DCDC1: variants seen among roughly 807,000 people sequenced by gnomAD.
DCDC1 encodes the protein doublecortin domain containing 1.
DCDC1 carries 200 observed loss-of-function variants against 178.3 expected under a neutral mutation model. That is an observed-to-expected ratio of 1.12 (90% CI 1.00 to 1.26). The LOEUF is 1.26. Ranked by LOEUF, DCDC1 falls within the 50% of genes most tolerant of loss-of-function variation. DCDC1 has a pLI of 0.00. For synonymous variants in DCDC1, 690 were observed against 604.8 expected (o/e 1.14, Z -2.07); for missense variants, 1,983 against 1,749.2 (o/e 1.13, Z -2.38).
intron 10 of DCDC1, among the ~76,000 whole-genome samples, chr11:31,129,645 T>A (rs966269102): frequency 6.6e-6 from 1 of 152,118 alleles, no homozygotes; most frequent in Non-Finnish European, 1.5e-5. Context: ...AATATGTATA[T>A]GTCATATCCA....
chr11:30,987,130 C>T (rs1386820926), intron 20 of DCDC1, among the ~76,000 whole-genome samples: 1 of 152,104 alleles, frequency 6.6e-6, no homozygotes, highest in Non-Finnish European at 1.5e-5. Context: ...GATTCTCCTG[C>T]CTCAGCCTCC....
At chr11:31,040,622 C>T (rs1954380273) in intron 20 of DCDC1, among the ~76,000 whole-genome samples, 1 of 152,090 alleles carries the variant, frequency 6.6e-6, no homozygotes, top group Admixed American at 6.6e-5. Flanking sequence ...AAGGCGTTTG[C>T]ACCAATAAAT....
At chr11:31,095,224 T>G (rs987366811) in intron 15 of DCDC1, among the ~76,000 whole-genome samples, 2 of 152,212 alleles carry the variant, frequency 1.3e-5, no homozygotes, top group Non-Finnish European at 2.9e-5. Flanking sequence ...TCTTTGCTAT[T>G]GTGAACAGTG....
chr11:31,089,626 T>TG (rs397828154), intron 17 of DCDC1, among the ~76,000 whole-genome samples: 3 of 151,648 alleles, frequency 2.0e-5, no homozygotes, highest in African/African-American at 7.3e-5. Context: ...TTTTTTTTTT[T>TG]GAAGTATTTG....
chr11:31,043,279 C>T (rs1463046686), intron 20 of DCDC1, among the ~76,000 whole-genome samples: 3 of 152,124 alleles, frequency 2.0e-5, no homozygotes, highest in African/African-American at 7.2e-5. Flanking sequence ...AATTCAGAGA[C>T]CAGTAATTCA....
chr11:31,358,544 T>C (rs1307216280), intron 1 of DCDC1, among the ~76,000 whole-genome samples: 1 of 151,746 alleles, frequency 6.6e-6, no homozygotes, highest in Non-Finnish European at 1.5e-5. Flanking sequence ...ACTTCATGTC[T>C]AAAACACCAA....
At chr11:31,030,612 T>C (rs116569086) in intron 20 of DCDC1, among the ~76,000 whole-genome samples, 185 of 152,278 alleles carry the variant, frequency 1.2e-3, no homozygotes, top group African/African-American at 4.2e-3. Context: ...CAAGACACTG[T>C]CAGGAATAGA....
chr11:31,252,258 C>CG (rs1421327917), intron 8 of DCDC1, among the ~76,000 whole-genome samples: 2 of 151,926 alleles, frequency 1.3e-5, no homozygotes, highest in Admixed American at 1.3e-4. Flanking sequence ...TTTAAATTCC[C>CG]GGGTGACAGA....
chr11:30,944,147 T>C (rs2134412035), intron 21 of DCDC1: 1 of 353,368 alleles, frequency 2.8e-6, no homozygotes, highest in Non-Finnish European at 5.5e-6. Context: ...GCTCAATGCA[T>C]AGCCTTGATT....
chr11:30,875,547 CAA>C (rs58301594), intron 38 of DCDC1, among the ~76,000 whole-genome samples: 115 of 147,828 alleles, frequency 7.8e-4, no homozygotes, highest in South Asian at 2.1e-3. Flanking sequence ...CCAAATGATG[CAA>C]AAAAAAAAAA....
chr11:31,000,655 A>G (rs1951519396), intron 20 of DCDC1, among the ~76,000 whole-genome samples: 1 of 152,054 alleles, frequency 6.6e-6, no homozygotes, highest in Admixed American at 6.6e-5. Context: ...TGCTACATTA[A>G]TGAAGCTTTG....
At chr11:31,217,999 T>A (rs778285375) in intron 9 of DCDC1, among the ~76,000 whole-genome samples, 1 of 152,124 alleles carries the variant, frequency 6.6e-6, no homozygotes, top group Non-Finnish European at 1.5e-5. Context: ...CAAAGAAATA[T>A]CAGCATTACA....
Position 30,899,619 on chromosome 11 carries a change from C to T in DCDC1, c.4687G>A (p.Glu1563Lys), listed in dbSNP as rs117396197. The change falls in exon 34 of 39, where the codon GAG becomes AAG. Residue 1563 changes from glutamate (E) to lysine (K), a missense_variant. Transcript: ENST00000684477. Reference protein sequence around the residue: ...PNALQKAEKLEKQNWLKKDRI... With the variant: ...PNALQKAEKLKKQNWLKKDRI... ...TCCTTTTTTAGCCAGTTCTGTTTCT[C>T]TAATTTTTCTGCTTTCTGCAAAGCT... is the stretch of plus-strand genomic sequence containing the variant. 16,743 of 1,567,600 alleles carry T rather than the reference C, an allele frequency of 0.011. 94 individuals are homozygous for T. Among genetic ancestry groups the T allele is most frequent in the Non-Finnish European group, 0.013 (14,506 of 1,156,316 alleles).
intron 20 of DCDC1, among the ~76,000 whole-genome samples, chr11:30,984,907 G>A (rs1485516708): frequency 1.3e-5 from 2 of 152,160 alleles, no homozygotes; most frequent in Non-Finnish European, 2.9e-5. Flanking sequence ...CACTAACTAA[G>A]GCAAGAAATA....
At chr11:31,186,839 A>G (rs1473642001) in intron 9 of DCDC1, among the ~76,000 whole-genome samples, 1 of 152,164 alleles carries the variant, frequency 6.6e-6, no homozygotes, top group Admixed American at 6.5e-5. Context: ...ATCCTTCAAG[A>G]CTAGCATCCA....
chr11:30,975,021 A>T (rs1950026955), intron 20 of DCDC1, among the ~76,000 whole-genome samples: 1 of 152,132 alleles, frequency 6.6e-6, no homozygotes, highest in African/African-American at 2.4e-5. Flanking sequence ...AAGATAACAC[A>T]CCACAATCAC....
rs904480096 is a variant in DCDC1 at position 31,107,952 on chromosome 11, C to CTTTCT, written c.1588-997_1588-993dup. On this transcript the variant is annotated intron_variant, in intron 12 of 38. Coordinates refer to ENST00000684477, the MANE Select transcript of DCDC1 (RefSeq NM_001387274.1). ...TCTGGCCTAACTGCAGTTCAGGGTC[C>CTTTCT]TTTCTTTTCTTTTCTTTTTTGCTCC... 8.5e-5 allele frequency among the ~76,000 whole-genome samples: 13 copies of CTTTCT among 152,182 alleles called. 1 individual carries two copies. Among genetic ancestry groups the CTTTCT allele is most frequent in the South Asian group, 4.1e-4 (2 of 4,832 alleles).
intron 6 of DCDC1, among the ~76,000 whole-genome samples, chr11:31,297,545 C>G (rs991266163): frequency 6.6e-6 from 1 of 152,016 alleles, no homozygotes; most frequent in Non-Finnish European, 1.5e-5. Flanking sequence ...CGGGGTTTCA[C>G]CTTATTGGCC....
At chr11:30,971,909 A>G (rs185144261) in intron 20 of DCDC1, among the ~76,000 whole-genome samples, 20 of 152,204 alleles carry the variant, frequency 1.3e-4, no homozygotes, top group African/African-American at 4.8e-4. Context: ...GCACCTGGCC[A>G]AAAACAGGCT....
Sources: gnomAD v4.1 joint callset for allele counts (sites outside exome capture counted in the v4.1 genomes callset) on GRCh38, gnomAD v4.1.1 for gene constraint, MANE v1.5 for transcripts, NCBI Gene and HGNC (gene_info 2026-07-23, HGNC 2026-07-21) for gene names.